COL19A1: variants seen among roughly 807,000 people sequenced by gnomAD.
COL19A1 encodes collagen alpha-1(XIX) chain.
A neutral mutation model predicts 190.2 loss-of-function variants in COL19A1; 159 were observed. The observed-to-expected ratio is 0.84, with a 90% CI of 0.73 to 0.95. COL19A1 has a LOEUF of 0.95. COL19A1 is among the 40% of genes least tolerant of loss of function. COL19A1 has a pLI of 0.00. For synonymous variants in COL19A1, 509 were observed against 458.9 expected (o/e 1.11, Z -1.39); for missense variants, 1,418 against 1,431.9 (o/e 0.99, Z 0.16).
chr6:70,006,285 G>A (rs952015315), intron 11 of COL19A1, among the ~76,000 whole-genome samples: 1 of 152,232 alleles, frequency 6.6e-6, no homozygotes, highest in Non-Finnish European at 1.5e-5. Flanking sequence ...CTCTGGTGGT[G>A]TGAGTTTGCG....
Position 70,091,113 on chromosome 6 carries a change from C to T in COL19A1, c.1225-11056C>T, listed in dbSNP as rs74575669. On this transcript the variant is annotated intron_variant, in intron 15 of 50. Transcript: ENST00000620364. ...GTATTTCCTATCACTATCCAAAATT[C>T]GTATCTTTATTTATTTAGTTCTTAG... 8.7e-4 allele frequency among the ~76,000 whole-genome samples: 132 copies of T among 152,222 alleles called. 1 individual carries two copies. In the East Asian group the frequency reaches 0.021, roughly 24 times the overall value.
intron 15 of COL19A1, among the ~76,000 whole-genome samples, chr6:70,073,133 A>C (rs6901226): frequency 6.6e-6 from 1 of 151,806 alleles, no homozygotes; most frequent in Non-Finnish European, 1.5e-5. Context: ...GATTACAGGC[A>C]TGCACCACCA....
chr6:70,193,101 G>GAA lies in COL19A1; in HGVS notation c.3094+2731_3094+2732dup, dbSNP rs11395308. 1.0e-3 allele frequency among the ~76,000 whole-genome samples: 147 copies of GAA among 145,908 alleles called. 1 individual carries two copies. In the East Asian group the frequency reaches 0.018, roughly 17 times the overall value. ...CAGAAAATATAACCAAGCATTTTCA[G>GAA]AAAAAAAAAAAAGTGACATGTTGAG... On this transcript the variant is annotated intron_variant, in intron 48 of 50. Transcript: ENST00000620364.
intron 36 of COL19A1, among the ~76,000 whole-genome samples, chr6:70,165,736 T>C (rs761057324): frequency 6.6e-6 from 1 of 152,162 alleles, no homozygotes; most frequent in African/African-American, 2.4e-5. Flanking sequence ...AGAATGGGTA[T>C]GGGAAAAGAC....
intron 15 of COL19A1, among the ~76,000 whole-genome samples, chr6:70,078,883 A>G (rs773092706): frequency 6.6e-6 from 1 of 152,148 alleles, no homozygotes; most frequent in Non-Finnish European, 1.5e-5. Context: ...CCTGGCCAAC[A>G]TGGTGAAACT....
intron 9 of COL19A1, among the ~76,000 whole-genome samples, chr6:69,941,689 G>C (rs1377049774): frequency 7.2e-6 from 1 of 139,372 alleles, no homozygotes; most frequent in African/African-American, 2.6e-5. Context: ...TGTGCTAGTT[G>C]CTTTTTTTTT....
Position 69,930,336 on chromosome 6 carries a change from G to A in COL19A1, c.666+636G>A, listed in dbSNP as rs115853685. On this transcript the variant is annotated intron_variant, in intron 6 of 50. Transcript: ENST00000620364. ...ATTATTGATTTCCCTAGAGAACAAG[G>A]TCTGTAATCTTAAAAAAGTTAGATA... Among the ~76,000 whole-genome samples, 1,341 of 152,212 alleles carry A rather than the reference G, an allele frequency of 8.8e-3. 12 individuals are homozygous for A. Among genetic ancestry groups the A allele is most frequent in the African/African-American group, 0.03 (1,253 of 41,534 alleles).
chr6:69,955,843 A>C (rs1227698770), intron 9 of COL19A1, among the ~76,000 whole-genome samples: 1 of 152,092 alleles, frequency 6.6e-6, no homozygotes, highest in Non-Finnish European at 1.5e-5. Context: ...AGAAGAAATA[A>C]GACTGATGGG....
At chr6:69,998,631 C>T (rs552064673) in intron 11 of COL19A1, among the ~76,000 whole-genome samples, 33 of 131,884 alleles carry the variant, frequency 2.5e-4, no homozygotes, top group Admixed American at 4.2e-4. Flanking sequence ...GGTGACAGAA[C>T]GAGACTCCCT....
intron 15 of COL19A1, among the ~76,000 whole-genome samples, chr6:70,101,439 G>C (rs1783625635): frequency 6.6e-6 from 1 of 152,124 alleles, no homozygotes; most frequent in South Asian, 2.1e-4. Flanking sequence ...TCTTGCGATT[G>C]GAATTTAGCT....
chr6:70,076,331 C>G (rs528052370), intron 15 of COL19A1, among the ~76,000 whole-genome samples: 39 of 152,290 alleles, frequency 2.6e-4, no homozygotes, highest in African/African-American at 9.4e-4. Flanking sequence ...CACTGAAACC[C>G]AGATTTGCAT....
intron 11 of COL19A1, among the ~76,000 whole-genome samples, chr6:69,976,448 A>C (rs1325938969): frequency 6.6e-6 from 1 of 152,194 alleles, no homozygotes; most frequent in African/African-American, 2.4e-5. Context: ...TGTGTTCAGC[A>C]CTAGGGTAGC....
chr6:70,165,760 G>A (rs1433400063), intron 36 of COL19A1, among the ~76,000 whole-genome samples, 181 bp from the exon 37 acceptor site: 1 of 152,214 alleles, frequency 6.6e-6, no homozygotes, highest in Non-Finnish European at 1.5e-5. Context: ...TACCTGTCCT[G>A]CGGTCTAGAA....
At chr6:70,206,854 C>A in intron 49 of COL19A1, 47 bp from the exon 50 acceptor site, 1 of 1,543,408 alleles carries the variant, frequency 6.5e-7, no homozygotes, top group Non-Finnish European at 8.9e-7. Context: ...GCTGTGTTGC[C>A]ATAGAACCCT....
At chr6:70,185,958 A>T (rs957954370) in intron 46 of COL19A1, among the ~76,000 whole-genome samples, 1 of 152,250 alleles carries the variant, frequency 6.6e-6, no homozygotes, top group South Asian at 2.1e-4. Context: ...ATTTGTACGT[A>T]TTTCCATCTC....
chr6:70,130,386 C>T (rs574535148), intron 18 of COL19A1, among the ~76,000 whole-genome samples, 163 bp downstream of exon 18: 7 of 152,236 alleles, frequency 4.6e-5, no homozygotes, highest in African/African-American at 9.6e-5. Flanking sequence ...CCACCTCTCC[C>T]GGCTAATTAT....
chr6:69,936,314 TAA>T (rs1173962229), intron 7 of COL19A1, among the ~76,000 whole-genome samples: 1 of 152,140 alleles, frequency 6.6e-6, no homozygotes, highest in East Asian at 1.9e-4. Flanking sequence ...AAATGTTGTC[TAA>T]GAGTGTAAAA....
At chr6:70,133,414 A>C (rs898625539) in intron 18 of COL19A1, among the ~76,000 whole-genome samples, 2 of 152,202 alleles carry the variant, frequency 1.3e-5, no homozygotes, top group African/African-American at 4.8e-5. Context: ...CACGACTTGC[A>C]GTAAATGGCC....
chr6:70,029,971 AC>A (rs757928097), intron 12 of COL19A1, among the ~76,000 whole-genome samples: 2 of 152,124 alleles, frequency 1.3e-5, no homozygotes, highest in African/African-American at 2.4e-5. Context: ...TACTTATTAT[AC>A]CTATTTTATA....
Sources: allele counts gnomAD v4.1 joint callset (sites outside exome capture counted in the v4.1 genomes callset), GRCh38; gene constraint gnomAD v4.1.1; transcripts MANE v1.5; gene names NCBI Gene and HGNC (gene_info 2026-07-23, HGNC 2026-07-21).